The following PDGFRB variants were observed in gnomAD, a reference collection of about 807,000 sequenced individuals.
PDGFRB encodes the protein platelet derived growth factor receptor beta, also known as platelet-derived growth factor receptor beta.
Under a neutral mutation model 120.2 loss-of-function variants are expected in PDGFRB, and 42 were observed. The ratio of observed to expected loss-of-function variants is 0.35; its 90% CI spans 0.27 to 0.45. The LOEUF (loss-of-function observed/expected upper bound fraction) is 0.45. Among genes scored for constraint, PDGFRB ranks in the 20% least tolerant of loss-of-function variants. The pLI, the probability that PDGFRB is intolerant of heterozygous loss-of-function variation, is 1.00. For synonymous variants in PDGFRB, 586 were observed against 606.8 expected (o/e 0.97, Z 0.50); for missense variants, 1,149 against 1,476.3 (o/e 0.78, Z 3.63).
At position 150,127,758 on chromosome 5, in the gene PDGFRB, C is replaced by T. The variant is rs576252569; in HGVS notation, c.1580-1144G>A. ...CTGAGGCAGGAGAATTGTTTGAACC[C>T]GGGAGGCAGAGCTTGCAGTGAGCCG... On this transcript the variant is annotated intron_variant, in intron 10 of 22. Transcript: ENST00000261799. 2.8e-5 allele frequency among the ~76,000 whole-genome samples: 4 copies of T among 141,280 alleles called. No homozygotes were observed. The East Asian group carries it at 9.1e-4, about 32-fold the overall frequency. The allele number at this position is 141,280 out of a possible 152,430, so 92.7% of individuals were successfully genotyped here.
chr5:150,136,027 G>T, intron 2 of PDGFRB, 149 bp from the exon 3 acceptor site: 1 of 556,426 alleles, frequency 1.8e-6, no homozygotes, highest in Non-Finnish European at 3.1e-6. Flanking sequence ...CTCCAGCCAT[G>T]GCTCTGAGGA....
At position 150,132,073 on chromosome 5, in the gene PDGFRB, C is replaced by G. The variant is rs2228439; in HGVS notation, c.1149G>C (p.Leu383=). Residue 383 remains leucine (L), a synonymous_variant, in exon 8 of 23, where the codon CTG becomes CTC. Coordinates refer to ENST00000261799, the MANE Select transcript of PDGFRB (RefSeq NM_002609.4). The surrounding 1 kb of genome is among the most constrained non-coding windows in gnomAD (Gnocchi z 5.0). The part of the protein sequence containing the change: ...SETRYVSELT[L]VRVKVAEAGH... ...CAGCCTCTGCCACCTTCACGCGAACCAGTGTCAGCTCTGACACATACCTGG... is the reference window on the plus strand; with the variant it reads ...CAGCCTCTGCCACCTTCACGCGAACGAGTGTCAGCTCTGACACATACCTGG... 0.01 allele frequency: 16,704 copies of G among 1,606,436 alleles called. 108 individuals carry two copies. The highest frequency in any genetic ancestry group is 0.012 in the Non-Finnish European group (14,100 of 1,172,968).
intron 1 of PDGFRB, among the ~76,000 whole-genome samples, chr5:150,148,632 A>G (rs1205395000): frequency 6.6e-6 from 1 of 152,220 alleles, no homozygotes; most frequent in African/African-American, 2.4e-5. Flanking sequence ...CAGTTCTCTG[A>G]GTTTAACTTA....
chr5:150,136,846 G>A (rs577910189), intron 2 of PDGFRB, among the ~76,000 whole-genome samples, 162 bp downstream of exon 2: 29 of 152,302 alleles, frequency 1.9e-4, no homozygotes, highest in Middle Eastern at 3.4e-3. Flanking sequence ...GGCAGCTGGA[G>A]GCCTCCACAG....
In PDGFRB at chr5:150,132,123, G is replaced by T; in HGVS notation, c.1128-29C>A. On this transcript the variant is annotated intron_variant, in intron 7 of 22. Transcript: ENST00000261799. The surrounding 1 kb of genome is among the most constrained non-coding windows in gnomAD (Gnocchi z 5.0). ...GGGAGCAGGAAAGGCAGCTGTCAGA[G>T]TCGGAAGGACTCTTACAGTTCTCCC... 1.6e-6 allele frequency: 2 copies of T among 1,226,908 alleles called. No individual in the cohort carries two copies. The highest frequency in any genetic ancestry group is 2.4e-6 in the Non-Finnish European group (2 of 828,172). The allele number at this position is 1,226,908 out of a possible 1,614,324, so 76.0% of individuals were successfully genotyped here.
At chr5:150,154,815 C>T (rs558950380) in intron 1 of PDGFRB, among the ~76,000 whole-genome samples, 2 of 152,312 alleles carry the variant, frequency 1.3e-5, no homozygotes, top group East Asian at 3.9e-4. Flanking sequence ...TTGCCATGGC[C>T]GCCCATCACC....
At chr5:150,136,251 C>G (rs1183231490) in intron 2 of PDGFRB, among the ~76,000 whole-genome samples, 1 of 152,356 alleles carries the variant, frequency 6.6e-6, no homozygotes, top group Middle Eastern at 3.4e-3. Context: ...TCTCTGCCCC[C>G]TCCCCCGACT....
Position 150,129,746 on chromosome 5 carries a change from T to C in PDGFRB, c.1579+11A>G. 1 of 1,605,338 alleles carries C rather than the reference T, an allele frequency of 6.2e-7. No individual in the cohort carries two copies. The highest frequency in any genetic ancestry group is 8.5e-7 in the Non-Finnish European group (1 of 1,173,764). The stretch of plus-strand genomic sequence containing the variant: ...TGGGATCGTCAGGGGCCACTGAGGC[T>C]GGGGACTCACAGTGTGGCACCACGA... On this transcript the variant is annotated intron_variant, in intron 10 of 22. Coordinates refer to ENST00000261799, the MANE Select transcript of PDGFRB (RefSeq NM_002609.4).
At chr5:150,131,230 C>T (rs1383944354) in intron 8 of PDGFRB, among the ~76,000 whole-genome samples, 1 of 152,150 alleles carries the variant, frequency 6.6e-6, no homozygotes, top group Non-Finnish European at 1.5e-5. Flanking sequence ...TGCGATTTGC[C>T]CTTCTCCCAG....
chr5:150,119,128 C>T (rs999587390), intron 20 of PDGFRB, among the ~76,000 whole-genome samples: 2 of 152,232 alleles, frequency 1.3e-5, no homozygotes, highest in African/African-American at 2.4e-5. Context: ...GCAGCTTCCA[C>T]GGTTGGTTCT....
intron 2 of PDGFRB, among the ~76,000 whole-genome samples, chr5:150,136,578 C>T (rs113862769): frequency 1.4e-3 from 213 of 152,216 alleles, no homozygotes; most frequent in African/African-American, 4.9e-3. Flanking sequence ...CTGGGTCAGT[C>T]GCTCAGCCCC....
In PDGFRB at chr5:150,129,699, T is replaced by C; in HGVS notation, c.1579+58A>G. 3 of 1,418,950 alleles carry C rather than the reference T, an allele frequency of 2.1e-6. No individual in the cohort carries two copies. In the South Asian group the frequency reaches 3.6e-5, roughly 17 times the overall value. The allele number at this position is 1,418,950 out of a possible 1,614,324, so 87.9% of individuals were successfully genotyped here. ...GTGGGTACATGGGCACATTACCAAT[T>C]AGGCAGGATTAAGGTAGGGATTGGG... On this transcript the variant is annotated intron_variant, in intron 10 of 22. Coordinates refer to ENST00000261799, the MANE Select transcript of PDGFRB (RefSeq NM_002609.4).
rs748372109 is a variant in PDGFRB, at chr5:150,115,873, C to G, written c.3211G>C (p.Glu1071Gln). The G allele has an allele frequency of 1.9e-6, 3 of 1,610,806 alleles. No homozygotes were observed. The highest frequency in any genetic ancestry group is 2.2e-5 in the East Asian group (1 of 44,814). Residue 1071 changes from glutamate (E) to glutamine (Q), a missense_variant, in exon 23 of 23, where the codon GAG becomes CAG. By Grantham distance (29) the Glu-to-Gln change is conservative. Transcript: ENST00000261799. ...DSPLEPQDEP[E>Q]PEPQLELQVE... ...TGGAGCTCAAGCTGGGGCTCTGGCT[C>G]TGGTTCGTCCTGGGGCTCCAGGGGG...
At chr5:150,145,651 A>T (rs1226450247) in intron 1 of PDGFRB, among the ~76,000 whole-genome samples, 2 of 152,210 alleles carry the variant, frequency 1.3e-5, no homozygotes, top group Non-Finnish European at 2.9e-5. Flanking sequence ...TGCCCATGAG[A>T]CAGCCCCTCT....
In PDGFRB at chr5:150,121,329, G is replaced by A. The variant is rs767474180; in HGVS notation, c.2345-7C>T. 1 of 1,288,778 alleles carries A rather than the reference G, an allele frequency of 7.8e-7. No individual in the cohort carries two copies. Among genetic ancestry groups the A allele is most frequent in the South Asian group, 1.2e-5 (1 of 84,644 alleles). 79.8% of individuals were successfully genotyped at this position (1,288,778 alleles called of 1,614,324 possible). On this transcript the variant is annotated splice_polypyrimidine_tract_variant and splice_region_variant and intron_variant, in intron 16 of 22. Coordinates refer to ENST00000261799, the MANE Select transcript of PDGFRB (RefSeq NM_002609.4). This position sits in a 1 kb window ranked among gnomAD's most constrained non-coding sequence, Gnocchi z 4.1. ...CGGCAGGTCCTCTCAGGGGCTAGAGGAGAAGCAGAGGGTCACCTGCTATCT... is the reference window on the plus strand; with the variant it reads ...CGGCAGGTCCTCTCAGGGGCTAGAGAAGAAGCAGAGGGTCACCTGCTATCT...
chr5:150,150,103 G>A (rs1486077342), intron 1 of PDGFRB, among the ~76,000 whole-genome samples: 3 of 152,166 alleles, frequency 2.0e-5, no homozygotes, highest in Non-Finnish European at 2.9e-5. Flanking sequence ...TTGTTGGGAC[G>A]GCTTTGCTCC....
intron 3 of PDGFRB, among the ~76,000 whole-genome samples, chr5:150,135,305 A>T (rs964234944): frequency 2.0e-5 from 3 of 152,178 alleles, no homozygotes; most frequent in African/African-American, 7.2e-5. Context: ...GAGGGAGCAG[A>T]TTGGAAGCAG....
At position 150,132,838 on chromosome 5, in the gene PDGFRB, T is replaced by G; in HGVS notation, c.1039A>C (p.Thr347Pro). The G allele has an allele frequency of 6.2e-7, 1 of 1,611,068 alleles. No individual in the cohort carries two copies. The highest frequency in any genetic ancestry group is 1.1e-5 in the South Asian group (1 of 90,392). The change falls in exon 7 of 23, where the codon ACT becomes CCT. Residue 347 changes from threonine to proline, a missense_variant. This residue lies in a region of PDGFRB where 879 missense variants were observed against 1,108.6 expected (regional missense o/e 0.79). Transcript: ENST00000261799. This position sits in a 1 kb window ranked among gnomAD's most constrained non-coding sequence, Gnocchi z 5.0. ...CGGTTGTCTTTGAACCACAGGACAG[T>G]GGGCGGTGGGTAGGCCTCGAACACT... is the stretch of plus-strand genomic sequence containing the variant. Reference protein sequence around the residue: ...QVVFEAYPPPTVLWFKDNRTL... With the variant: ...QVVFEAYPPPPVLWFKDNRTL...
In PDGFRB at chr5:150,132,344, C is replaced by T. The variant is rs1180563588; in HGVS notation, c.1128-250G>A. Among the ~76,000 whole-genome samples, 1 of 152,162 alleles carries T rather than the reference C, an allele frequency of 6.6e-6. No homozygotes were observed. Among genetic ancestry groups the T allele is most frequent in the Non-Finnish European group, 1.5e-5 (1 of 68,024 alleles). On this transcript the variant is annotated intron_variant, in intron 7 of 22. Transcript: ENST00000261799. The surrounding 1 kb of genome is among the most constrained non-coding windows in gnomAD (Gnocchi z 5.0). ...GGAGCATTGAAGGAAAGTCCTATTT[C>T]TCTCCCCTTCAGAAAGGTGGACACT...
Sources: allele counts gnomAD v4.1 joint callset (sites outside exome capture counted in the v4.1 genomes callset), GRCh38; gene constraint gnomAD v4.1.1; regional missense constraint gnomAD v4.1.1; non-coding constraint Gnocchi (gnomAD v3.1); transcripts MANE v1.5; gene names NCBI Gene and HGNC (gene_info 2026-07-23, HGNC 2026-07-21).